The following CDRT4 variants were observed in gnomAD, a reference collection of about 807,000 sequenced individuals.
The protein encoded by CDRT4 is CMT1A duplicated region transcript 4, also known as CMT1A duplicated region transcript 4 protein.
For synonymous variants in CDRT4, 64 were observed against 69.6 expected (o/e 0.92, Z 0.40); for missense variants, 167 against 193.1 (o/e 0.87, Z 0.80).
At chr17:15,449,617 C>T (rs1597462160) in intron 2 of CDRT4, among the ~76,000 whole-genome samples, 2 of 152,036 alleles carry the variant, frequency 1.3e-5, no homozygotes, top group Admixed American at 1.3e-4. Flanking sequence ...GTGGGTATAT[C>T]GTGTCATGGT....
rs775783639 is a variant in CDRT4 at position 15,438,219 on chromosome 17, G to A, written c.32-19C>T. 6.2e-7 allele frequency: 1 copy of A among 1,606,848 alleles called. No homozygotes were observed. Among genetic ancestry groups the A allele is most frequent in the Non-Finnish European group, 8.5e-7 (1 of 1,175,636 alleles). On this transcript the variant is annotated intron_variant, in intron 3 of 3. Coordinates refer to ENST00000619038, the MANE Select transcript of CDRT4 (RefSeq NM_001204477.2). ...GTGAGTCCTACCAACAAAGAGAAAT[G>A]CAGGCCATTTAGAGGCAGTCACATG...
At chr17:15,463,607 A>C (rs1161227867) in intron 1 of CDRT4, among the ~76,000 whole-genome samples, 4 of 152,074 alleles carry the variant, frequency 2.6e-5, no homozygotes, top group Non-Finnish European at 4.4e-5. Context: ...TTCCTCGTTG[A>C]CTTTCCCGGC....
intron 1 of CDRT4, among the ~76,000 whole-genome samples, chr17:15,458,475 C>T (rs533265559): frequency 6.6e-6 from 1 of 152,218 alleles, no homozygotes; most frequent in Non-Finnish European, 1.5e-5. Flanking sequence ...AAGATGACCA[C>T]TTGGCCACCA....
At chr17:15,458,847 G>A (rs1979609198) in intron 1 of CDRT4, among the ~76,000 whole-genome samples, 1 of 152,148 alleles carries the variant, frequency 6.6e-6, no homozygotes, top group Non-Finnish European at 1.5e-5. Context: ...AGCAACACCA[G>A]GGAGTTTGTT....
intron 2 of CDRT4, among the ~76,000 whole-genome samples, chr17:15,441,014 C>A (rs1013924176): frequency 1.1e-4 from 16 of 152,204 alleles, no homozygotes; most frequent in African/African-American, 3.4e-4. Flanking sequence ...TACCTAGAGA[C>A]AAGAAATGAG....
chr17:15,459,688 C>T (rs1031438057), intron 1 of CDRT4, among the ~76,000 whole-genome samples: 2 of 151,922 alleles, frequency 1.3e-5, no homozygotes, highest in Non-Finnish European at 2.9e-5. Context: ...CCTCGTGATC[C>T]GCCCGCCTCG....
chr17:15,441,597 C>A (rs1254767613), intron 2 of CDRT4, among the ~76,000 whole-genome samples: 1 of 152,014 alleles, frequency 6.6e-6, no homozygotes, highest in Non-Finnish European at 1.5e-5. Context: ...AATCAAGGAA[C>A]TATTGTGGAA....
chr17:15,452,846 A>G (rs765246387), intron 2 of CDRT4, among the ~76,000 whole-genome samples, 158 bp downstream of exon 2: 1 of 152,034 alleles, frequency 6.6e-6, no homozygotes, highest in Non-Finnish European at 1.5e-5. Flanking sequence ...TTTAGTTGGG[A>G]TGTGTCTCTC....
intron 2 of CDRT4, among the ~76,000 whole-genome samples, chr17:15,443,446 A>ATTTTTTT (rs34178494): frequency 8.0e-6 from 1 of 125,394 alleles, no homozygotes. Context: ...TAGCTGGATA[A>ATTTTTTT]TTTTTTTTTT....
chr17:15,462,448 A>G (rs1202469248), intron 1 of CDRT4, among the ~76,000 whole-genome samples: 1 of 151,300 alleles, frequency 6.6e-6, no homozygotes, highest in African/African-American at 2.4e-5. Context: ...AAAAAAAAAA[A>G]AAAGATTCTA....
In CDRT4 at chr17:15,450,978, T is replaced by C. The variant is rs1979232919; in HGVS notation, c.-48+2026A>G. Among the ~76,000 whole-genome samples, 1 of 152,170 alleles carries C rather than the reference T, an allele frequency of 6.6e-6. No homozygotes were observed. Among genetic ancestry groups the C allele is most frequent in the Non-Finnish European group, 1.5e-5 (1 of 68,026 alleles). On this transcript the variant is annotated intron_variant, in intron 2 of 3. Transcript: ENST00000619038. The surrounding 1 kb of genome is among the most constrained non-coding windows in gnomAD (Gnocchi z 4.2). ...AGACATCAACATCTACTAACTGAAC[T>C]ACTGAACACCTGCTACTGGTCTCCC...
chr17:15,455,269 T>C (rs1205099543), intron 1 of CDRT4, among the ~76,000 whole-genome samples: 2 of 152,188 alleles, frequency 1.3e-5, no homozygotes, highest in Admixed American at 6.5e-5. Flanking sequence ...AGTCTCTAGA[T>C]GCTATGCCAA....
chr17:15,453,956 A>G (rs1274320833), intron 1 of CDRT4, among the ~76,000 whole-genome samples: 9 of 152,288 alleles, frequency 5.9e-5, no homozygotes, highest in Non-Finnish European at 1.5e-5. Flanking sequence ...GGCACATGGT[A>G]AGAGCCTATT....
At position 15,444,131 on chromosome 17, in the gene CDRT4, G is replaced by A. The variant is rs892337325; in HGVS notation, c.-47-3846C>T. On this transcript the variant is annotated intron_variant, in intron 2 of 3. Transcript: ENST00000619038. ...CAACAGTTAAAAACAAGGCAATCAG[G>A]AAATTTTTGGATGGTATATATGTCT... The A allele has an allele frequency of 7.8e-6, 10 of 1,288,184 alleles. No individual in the cohort carries two copies. In the African/African-American group the frequency reaches 1.3e-4, roughly 17 times the overall value. The allele number at this position is 1,288,184 out of a possible 1,614,324, so 79.8% of individuals were successfully genotyped here.
chr17:15,461,596 G>A (rs1979751949), intron 1 of CDRT4, among the ~76,000 whole-genome samples: 1 of 152,170 alleles, frequency 6.6e-6, no homozygotes, highest in African/African-American at 2.4e-5. Context: ...AGTAAGACCT[G>A]GAGTAAGCAC....
At chr17:15,467,072 G>A (rs1980074685) in intron 1 of CDRT4, among the ~76,000 whole-genome samples, 1 of 152,206 alleles carries the variant, frequency 6.6e-6, no homozygotes, top group Non-Finnish European at 1.5e-5. Context: ...GGGGATGGGG[G>A]GGAACGGGGG....
chr17:15,445,865 T>C (rs952356113), intron 2 of CDRT4, among the ~76,000 whole-genome samples: 5 of 152,194 alleles, frequency 3.3e-5, no homozygotes, highest in Non-Finnish European at 7.3e-5. Flanking sequence ...GTGTCTTGCC[T>C]GGCCCCAGAA....
chr17:15,445,103 C>T (rs1978966027), intron 2 of CDRT4, among the ~76,000 whole-genome samples: 1 of 152,202 alleles, frequency 6.6e-6, no homozygotes, highest in Admixed American at 6.5e-5. Context: ...ATCGACCCCA[C>T]TCAGACTTTT....
chr17:15,459,439 CTTTTTT>C (rs35161691), intron 1 of CDRT4, among the ~76,000 whole-genome samples: 2 of 107,506 alleles, frequency 1.9e-5, no homozygotes, highest in African/African-American at 3.9e-5. Context: ...CTTTTTTTTT[CTTTTTT>C]TTTTTTTTTT....
Sources: allele counts gnomAD v4.1 joint callset (sites outside exome capture counted in the v4.1 genomes callset), GRCh38; gene constraint gnomAD v4.1.1; non-coding constraint Gnocchi (gnomAD v3.1); transcripts MANE v1.5; gene names NCBI Gene and HGNC (gene_info 2026-07-23, HGNC 2026-07-21).